PID1: variants seen among roughly 807,000 people sequenced by gnomAD.
PID1 encodes phosphotyrosine interaction domain containing 1, also known as PTB-containing, cubilin and LRP1-interacting protein.
Under a neutral mutation model 19.1 loss-of-function variants are expected in PID1, and 10 were observed. The observed-to-expected ratio is 0.52, with a 90% CI of 0.32 to 0.89. The LOEUF is 0.89. PID1 is among the 40% of genes least tolerant of loss of function. The pLI is 0.03. For synonymous variants in PID1, 130 were observed against 116.0 expected, an observed-to-expected ratio of 1.12 and a Z score of -0.78; for missense variants, 248 against 285.3, an observed-to-expected ratio of 0.87 and a Z score of 0.94.
chr2:229,236,987 T>TACACACAAACACACACAC (rs1553583949), intron 1 of PID1, among the ~76,000 whole-genome samples: 69 of 107,894 alleles, frequency 6.4e-4, no homozygotes, highest in African/African-American at 2.4e-3. Context: ...TACACACACA[T>TACACACAAACACACACAC]ACACACACAC....
intron 1 of PID1, among the ~76,000 whole-genome samples, chr2:229,203,611 T>A (rs569878304): frequency 6.6e-6 from 1 of 152,130 alleles, no homozygotes; most frequent in Non-Finnish European, 1.5e-5. Flanking sequence ...GCTATACTAC[T>A]GTAATCTAGC....
intron 1 of PID1, among the ~76,000 whole-genome samples, chr2:229,174,152 G>C (rs1372637682): frequency 6.6e-6 from 1 of 152,126 alleles, no homozygotes; most frequent in Admixed American, 6.5e-5. Flanking sequence ...CAGGTTTCTT[G>C]GTATTTAAAC....
intron 1 of PID1, chr2:229,228,042 G>C (rs1431319867): frequency 8.8e-6 from 4 of 455,794 alleles, no homozygotes; most frequent in Non-Finnish European, 8.8e-6. Flanking sequence ...AGTGTATTGT[G>C]ACTGGAGTTG....
At chr2:229,036,619 G>T (rs564167019) in intron 2 of PID1, among the ~76,000 whole-genome samples, 80 of 152,052 alleles carry the variant, frequency 5.3e-4, no homozygotes, top group Non-Finnish European at 9.4e-4. Flanking sequence ...GTGGTGGCAG[G>T]CCCCTGTAAA....
intron 1 of PID1, among the ~76,000 whole-genome samples, chr2:229,178,614 AT>A (rs1690875324): frequency 6.6e-6 from 1 of 152,070 alleles, no homozygotes; most frequent in South Asian, 2.1e-4. Context: ...ATAAGCCACA[AT>A]AAAAAAAAAG....
chr2:229,213,291 C>T (rs1559287937), intron 1 of PID1, among the ~76,000 whole-genome samples: 1 of 152,192 alleles, frequency 6.6e-6, no homozygotes, highest in Non-Finnish European at 1.5e-5. Flanking sequence ...ACCCCCTTGC[C>T]CTCCACATCC....
At chr2:229,095,007 A>C (rs1052855002) in intron 2 of PID1, among the ~76,000 whole-genome samples, 1 of 152,176 alleles carries the variant, frequency 6.6e-6, no homozygotes, top group Admixed American at 6.6e-5. Flanking sequence ...CGTGAGCCCC[A>C]TTCTACATAC....
rs1694186035 is a variant in PID1 at position 229,060,325 on chromosome 2, G to A, written c.178-34217C>T. The stretch of plus-strand genomic sequence containing the variant: ...AACTCCCATTCTACTCTACTTCCAT[G>A]AGATCAACTCTTTTAGATTCTACAT... On this transcript the variant is annotated intron_variant, in intron 2 of 2. Transcript: ENST00000392055. Among the ~76,000 whole-genome samples the A allele has an allele frequency of 2.0e-5, 3 of 152,110 alleles. No individual in the cohort carries two copies. In the South Asian group the frequency reaches 6.2e-4, roughly 32 times the overall value.
chr2:229,232,147 G>A, intron 1 of PID1: 1 of 1,444,764 alleles, frequency 6.9e-7, no homozygotes, highest in South Asian at 1.5e-5. Context: ...CTCTTGGCCG[G>A]GTGCAGTGGC....
rs34238327 is a variant in PID1 at position 229,076,524 on chromosome 2, CTAA to C, written c.178-50419_178-50417del. 2.0e-3 allele frequency among the ~76,000 whole-genome samples: 304 copies of C among 152,192 alleles called. 10 individuals are homozygous for C. The East Asian group carries it at 0.055, about 27-fold the overall frequency. The stretch of plus-strand genomic sequence containing the variant: ...TCGTCATCTACATTAGGTATTTCTC[CTAA>C]TGTTATCCCTCCCATTGCCTCCCAC... On this transcript the variant is annotated intron_variant, in intron 2 of 2. Coordinates refer to ENST00000392055, the MANE Select transcript of PID1 (RefSeq NM_001100818.2).
At chr2:229,248,703 T>G (rs533714098) in intron 1 of PID1, among the ~76,000 whole-genome samples, 1 of 152,350 alleles carries the variant, frequency 6.6e-6, no homozygotes, top group East Asian at 1.9e-4. Context: ...TCTTATCTAT[T>G]TATTTGTTTG....
At chr2:229,266,212 G>A (rs1690588307) in intron 1 of PID1, among the ~76,000 whole-genome samples, 1 of 152,002 alleles carries the variant, frequency 6.6e-6, no homozygotes, top group African/African-American at 2.4e-5. Context: ...AATAATAGCT[G>A]TTGCTTTTTT....
intron 2 of PID1, among the ~76,000 whole-genome samples, chr2:229,116,268 C>A (rs1283706896): frequency 1.3e-5 from 2 of 152,084 alleles, no homozygotes; most frequent in African/African-American, 4.8e-5. Flanking sequence ...AGAAATTCTA[C>A]AAAGCTTAGT....
intron 2 of PID1, among the ~76,000 whole-genome samples, chr2:229,080,808 T>C (rs996295812): frequency 8.5e-5 from 13 of 152,286 alleles, no homozygotes; most frequent in Non-Finnish European, 1.6e-4. Context: ...CAAATAGAGC[T>C]AGGGAAGGCC....
chr2:229,202,318 T>C (rs1691515621), intron 1 of PID1, among the ~76,000 whole-genome samples: 1 of 152,092 alleles, frequency 6.6e-6, no homozygotes, highest in Non-Finnish European at 1.5e-5. Flanking sequence ...GGGCATCGAT[T>C]TGCCTTTTAT....
chr2:229,226,876 T>G (rs952214338), intron 1 of PID1, among the ~76,000 whole-genome samples: 5 of 152,228 alleles, frequency 3.3e-5, no homozygotes, highest in Admixed American at 6.5e-5. Context: ...AAAAGTCATT[T>G]TGTTCTACTG....
At chr2:229,059,843 T>C (rs1183398047) in intron 2 of PID1, among the ~76,000 whole-genome samples, 2 of 152,284 alleles carry the variant, frequency 1.3e-5, no homozygotes, top group Middle Eastern at 3.4e-3. Flanking sequence ...CCAAGCATTA[T>C]GCTAGGTGCT....
chr2:229,269,970 G>A (rs984287583), intron 1 of PID1, among the ~76,000 whole-genome samples: 13 of 152,168 alleles, frequency 8.5e-5, no homozygotes, highest in African/African-American at 2.9e-4. Flanking sequence ...AGGACTCCTA[G>A]ACAAAGGTTA....
intron 2 of PID1, among the ~76,000 whole-genome samples, chr2:229,096,331 C>G (rs955303468): frequency 6.6e-6 from 1 of 152,116 alleles, no homozygotes; most frequent in Non-Finnish European, 1.5e-5. Flanking sequence ...ATGTATGCCA[C>G]TTTTTGGACA....
Sources: gnomAD v4.1 joint callset for allele counts (sites outside exome capture counted in the v4.1 genomes callset) on GRCh38, gnomAD v4.1.1 for gene constraint, MANE v1.5 for transcripts, NCBI Gene and HGNC (gene_info 2026-07-23, HGNC 2026-07-21) for gene names.